The following NPAS3 variants were observed in gnomAD, a reference collection of about 807,000 sequenced individuals.
NPAS3 encodes the protein neuronal PAS domain-containing protein 3.
NPAS3 carries 14 observed loss-of-function variants against 73.1 expected under a neutral mutation model. The ratio of observed to expected loss-of-function variants is 0.19; its 90% CI spans 0.13 to 0.30. NPAS3 has a LOEUF of 0.30. Ranked by LOEUF, NPAS3 falls within the 10% of genes least tolerant of loss-of-function variation. NPAS3 has a pLI of 1.00. For synonymous variants in NPAS3, 620 were observed against 541.5 expected (o/e 1.14, Z -2.01); for missense variants, 1,096 against 1,250.0 (o/e 0.88, Z 1.86).
At chr14:33,784,745 A>ATTTTTTTTTTTTTT (rs1226491375) in intron 9 of NPAS3, among the ~76,000 whole-genome samples, 9 of 73,836 alleles carry the variant, frequency 1.2e-4, no homozygotes, top group African/African-American at 4.4e-4. Context: ...TTATTTATTT[A>ATTTTTTTTTTTTTT]TTTTTTTTTT....
intron 1 of NPAS3, among the ~76,000 whole-genome samples, chr14:32,950,209 A>G (rs922512920): frequency 6.6e-6 from 1 of 152,080 alleles, no homozygotes. Context: ...AATGAGAATG[A>G]TAATACTGTA....
At chr14:33,482,381 A>G (rs1319729562) in intron 4 of NPAS3, among the ~76,000 whole-genome samples, 2 of 152,280 alleles carry the variant, frequency 1.3e-5, no homozygotes, top group East Asian at 3.9e-4. Flanking sequence ...AAACCATCGT[A>G]TATACACTTC....
intron 2 of NPAS3, among the ~76,000 whole-genome samples, chr14:33,175,734 CAATGG>C (rs1172560428): frequency 6.6e-6 from 1 of 152,022 alleles, no homozygotes; most frequent in East Asian, 1.9e-4. Context: ...TACAACATCC[CAATGG>C]GATGACATCA....
chr14:33,022,575 G>T (rs1566475364), intron 1 of NPAS3, among the ~76,000 whole-genome samples: 1 of 149,706 alleles, frequency 6.7e-6, no homozygotes, highest in Non-Finnish European at 1.5e-5. Context: ...TGAGGCAGGA[G>T]AATGGCGTGA....
intron 2 of NPAS3, among the ~76,000 whole-genome samples, chr14:33,180,921 G>A (rs1466371343): frequency 6.6e-6 from 1 of 152,004 alleles, no homozygotes; most frequent in African/African-American, 2.4e-5. Context: ...TTAAGGCTGG[G>A]AAGTTTCATG....
At chr14:33,789,507 T>C (rs2063282846) in intron 9 of NPAS3, among the ~76,000 whole-genome samples, 1 of 152,042 alleles carries the variant, frequency 6.6e-6, no homozygotes, top group Non-Finnish European at 1.5e-5. Context: ...GTCTTCAGGT[T>C]TACTTTGTCA....
upstream of NPAS3, chr14:32,934,854 A>G (rs1466984851): frequency 1.8e-6 from 1 of 570,516 alleles, no homozygotes. The surrounding 1 kb of genome is among the most constrained non-coding windows in gnomAD (Gnocchi z 4.1). Flanking sequence ...CGATGATCCG[A>G]ATCTTTCCGG....
At chr14:33,279,827 G>A (rs987763789) in intron 3 of NPAS3, among the ~76,000 whole-genome samples, 4 of 152,122 alleles carry the variant, frequency 2.6e-5, no homozygotes, top group East Asian at 1.9e-4. Flanking sequence ...GCCCAAAATA[G>A]CAGGTTGAAT....
chr14:33,658,185 G>T lies in NPAS3; in HGVS notation c.559-18026G>T, dbSNP rs538347927. 4.6e-5 allele frequency among the ~76,000 whole-genome samples: 7 copies of T among 152,354 alleles called. No individual in the cohort carries two copies. In the East Asian group the frequency reaches 1.3e-3, roughly 29 times the overall value. On this transcript the variant is annotated intron_variant, in intron 5 of 11. Coordinates refer to ENST00000356141, the Ensembl canonical transcript of NPAS3. ...GTTTCCTAATTCATTCTCCTCATCA[G>T]AGGAAGCAAAGATTGCCTCTTCAAG...
intron 1 of NPAS3, among the ~76,000 whole-genome samples, chr14:32,990,665 C>G (rs1233186240): frequency 1.3e-5 from 2 of 152,046 alleles, no homozygotes; most frequent in South Asian, 2.1e-4. Flanking sequence ...GTAGTTCACA[C>G]CTATAATCCA....
Position 33,603,164 on chromosome 14 carries a change from CAT to C in NPAS3, c.558+42955_558+42956del, listed in dbSNP as rs552026410. On this transcript the variant is annotated intron_variant, in intron 5 of 11. Transcript: ENST00000356141. ...CAAAAAGTTCAATGGAGACATGAAA[CAT>C]GTGGAAGAGACTCAAATCCTAACTT... Among the ~76,000 whole-genome samples the C allele has an allele frequency of 2.2e-4, 33 of 152,260 alleles. 1 individual carries two copies. The highest frequency in any genetic ancestry group is 7.2e-4 in the African/African-American group (30 of 41,560).
chr14:33,437,750 GACTA>G (rs2049052079), intron 4 of NPAS3, among the ~76,000 whole-genome samples: 1 of 152,142 alleles, frequency 6.6e-6, no homozygotes, highest in South Asian at 2.1e-4. Context: ...CGACATTATG[GACTA>G]GTATATTCAC....
chr14:33,144,603 A>G (rs1274120740), intron 2 of NPAS3, among the ~76,000 whole-genome samples: 5 of 152,274 alleles, frequency 3.3e-5, no homozygotes, highest in Non-Finnish European at 7.4e-5. Flanking sequence ...GTGCAGTGGC[A>G]TGCTCATGGC....
chr14:33,063,810 A>T (rs2041189036), intron 2 of NPAS3, among the ~76,000 whole-genome samples: 1 of 152,230 alleles, frequency 6.6e-6, no homozygotes, highest in Admixed American at 6.5e-5. Flanking sequence ...CTTGGCATAT[A>T]GTAAACATAC....
intron 8 of NPAS3, among the ~76,000 whole-genome samples, chr14:33,776,460 G>T (rs2062818155): frequency 7.5e-6 from 1 of 134,166 alleles, no homozygotes; most frequent in Non-Finnish European, 1.5e-5. Flanking sequence ...AGTGCCTCAT[G>T]GTGCCACTCT....
chr14:33,540,918 A>G (rs966653404), intron 4 of NPAS3, among the ~76,000 whole-genome samples: 1 of 151,650 alleles, frequency 6.6e-6, no homozygotes, highest in Non-Finnish European at 1.5e-5. Context: ...ATCTCCTGAC[A>G]CCTCTTTTTG....
At chr14:33,336,345 A>G (rs2140295752) in intron 3 of NPAS3, among the ~76,000 whole-genome samples, 1 of 152,324 alleles carries the variant, frequency 6.6e-6, no homozygotes, top group East Asian at 1.9e-4. Context: ...TTCCTCCTCC[A>G]GGCTCACTGG....
intron 7 of NPAS3, among the ~76,000 whole-genome samples, chr14:33,746,878 A>G (rs868700183): frequency 0.016 from 2,396 of 150,302 alleles, 76 homozygotes; most frequent in African/African-American, 0.055. Context: ...ATATCTCCCA[A>G]TGCTATCCCT....
intron 2 of NPAS3, among the ~76,000 whole-genome samples, chr14:33,164,385 T>C (rs1260655744): frequency 1.3e-5 from 2 of 152,248 alleles, no homozygotes; most frequent in Non-Finnish European, 2.9e-5. Flanking sequence ...TTGTTTTATG[T>C]AATCGGTCTT....
Sources: allele counts gnomAD v4.1 joint callset (sites outside exome capture counted in the v4.1 genomes callset), GRCh38; gene constraint gnomAD v4.1.1; non-coding constraint Gnocchi (gnomAD v3.1); transcripts MANE v1.5; gene names NCBI Gene and HGNC (gene_info 2026-07-23, HGNC 2026-07-21).